Variants in ADAMTSL1 observed in about 807,000 individuals in gnomAD.
ADAMTSL1 encodes ADAMTS-like protein 1.
A neutral mutation model predicts 201.8 loss-of-function variants in ADAMTSL1; 126 were observed. The ratio of observed to expected loss-of-function variants is 0.62; its 90% CI spans 0.54 to 0.72. The LOEUF is 0.72. Ranked by LOEUF, ADAMTSL1 falls within the 30% of genes least tolerant of loss-of-function variation. ADAMTSL1 has a pLI of 0.00. For synonymous variants in ADAMTSL1, 1,121 were observed against 903.4 expected (o/e 1.24, Z -4.32); for missense variants, 2,679 against 2,277.8 (o/e 1.18, Z -3.59).
intron 1 of ADAMTSL1, among the ~76,000 whole-genome samples, chr9:17,938,180 A>C (rs1642314429): frequency 6.6e-6 from 1 of 152,132 alleles, no homozygotes; most frequent in African/African-American, 2.4e-5. Flanking sequence ...TCTAATTTAC[A>C]TGGGGTGTGT....
intron 1 of ADAMTSL1, among the ~76,000 whole-genome samples, chr9:17,995,208 T>C (rs1156886074): frequency 2.6e-5 from 4 of 152,114 alleles, no homozygotes; most frequent in Non-Finnish European, 4.4e-5. Context: ...CAGATTGTTA[T>C]GGATCCTTTC....
At chr9:18,453,745 T>G (rs978391216) in intron 2 of ADAMTSL1, among the ~76,000 whole-genome samples, 2 of 152,166 alleles carry the variant, frequency 1.3e-5, no homozygotes, top group African/African-American at 4.8e-5. Context: ...TGGCCACTTA[T>G]AAGTGGTTGA....
chr9:18,657,828 C>A, intron 8 of ADAMTSL1, 78 bp downstream of exon 8: 1 of 1,227,344 alleles, frequency 8.1e-7, no homozygotes, highest in Non-Finnish European at 1.2e-6. Context: ...AGAGTTACTT[C>A]AGCATGGAAG....
In ADAMTSL1 at chr9:18,489,129, G is replaced by T. The variant is rs149529959; in HGVS notation, c.63+14834G>T. On this transcript the variant is annotated intron_variant, in intron 1 of 28. Transcript: ENST00000380548. ...GACCCAGACATTGGCAATTTTCCCA[G>T]GTAATTTGAATGTATAGACAGAGTT... Among the ~76,000 whole-genome samples, 83 of 152,200 alleles carry T rather than the reference G, an allele frequency of 5.5e-4. 3 individuals are homozygous for T. In the East Asian group the frequency reaches 0.014, roughly 25 times the overall value.
chr9:18,637,268 C>G (rs1827162810), intron 6 of ADAMTSL1, among the ~76,000 whole-genome samples: 1 of 152,112 alleles, frequency 6.6e-6, no homozygotes, highest in Non-Finnish European at 1.5e-5. Flanking sequence ...ATTATTACCA[C>G]TCAAATGATT....
chr9:18,815,069 G>A (rs569876112), intron 20 of ADAMTSL1, among the ~76,000 whole-genome samples: 6 of 152,114 alleles, frequency 3.9e-5, no homozygotes, highest in African/African-American at 9.7e-5. Context: ...AAATACTGGC[G>A]CAGATGTGGA....
At chr9:18,357,017 C>G (rs939355012) in intron 2 of ADAMTSL1, among the ~76,000 whole-genome samples, 1 of 152,134 alleles carries the variant, frequency 6.6e-6, no homozygotes, top group African/African-American at 2.4e-5. Context: ...TTAAAGAATA[C>G]TGTCAAAGCT....
intron 23 of ADAMTSL1, among the ~76,000 whole-genome samples, chr9:18,884,047 G>A (rs1016977998): frequency 2.6e-5 from 4 of 152,084 alleles, no homozygotes; most frequent in South Asian, 2.1e-4. Flanking sequence ...ATGCACAAGG[G>A]TTCCAATTTT....
chr9:18,721,667 T>TA lies in ADAMTSL1; in HGVS notation c.2006+4dup. The TA allele has an allele frequency of 6.2e-7, 1 of 1,613,596 alleles. No individual in the cohort carries two copies. The highest frequency in any genetic ancestry group is 1.1e-5 in the South Asian group (1 of 91,034). On this transcript the variant is annotated splice_region_variant and intron_variant, in intron 15 of 28. Transcript: ENST00000380548. ...CAATTTGGATCCCTGCCCAGCAAGG[T>TA]AAGGGATGTGTGGCCTGCCCTGCTG... is the stretch of plus-strand genomic sequence containing the variant.
At chr9:17,993,284 TAAC>T (rs898621018) in intron 1 of ADAMTSL1, among the ~76,000 whole-genome samples, 41 of 152,308 alleles carry the variant, frequency 2.7e-4, no homozygotes, top group African/African-American at 8.9e-4. Context: ...CATTCCTGTT[TAAC>T]ATGTTAAATT....
chr9:18,781,938 T>A (rs1413620061), intron 19 of ADAMTSL1, among the ~76,000 whole-genome samples: 1 of 152,262 alleles, frequency 6.6e-6, no homozygotes, highest in Admixed American at 6.5e-5. Flanking sequence ...ATTCTGATAC[T>A]ACTGTGTCTC....
At chr9:18,446,957 A>C (rs1179231594) in intron 2 of ADAMTSL1, among the ~76,000 whole-genome samples, 2 of 149,858 alleles carry the variant, frequency 1.3e-5, no homozygotes, top group South Asian at 4.1e-4. Context: ...TTAAAATTTC[A>C]AATTAACATG....
chr9:17,960,329 G>A (rs192114671), intron 1 of ADAMTSL1, among the ~76,000 whole-genome samples: 1 of 152,264 alleles, frequency 6.6e-6, no homozygotes, highest in African/African-American at 2.4e-5. Flanking sequence ...CAGCCTTGAG[G>A]GACACTGGGA....
chr9:17,913,748 G>A (rs919071126), intron 1 of ADAMTSL1, among the ~76,000 whole-genome samples: 6 of 151,942 alleles, frequency 3.9e-5, no homozygotes, highest in Non-Finnish European at 2.9e-5. Flanking sequence ...TTTTTTGAAC[G>A]GATCAACAAA....
intron 1 of ADAMTSL1, among the ~76,000 whole-genome samples, chr9:17,916,675 A>G (rs1231642460): frequency 5.3e-5 from 8 of 152,170 alleles, no homozygotes; most frequent in South Asian, 2.1e-4. Flanking sequence ...GTACATGTTT[A>G]TTGCTATGCT....
chr9:18,503,126 C>A lies in ADAMTSL1; in HGVS notation c.64-1703C>A, dbSNP rs957350512. On this transcript the variant is annotated intron_variant, in intron 1 of 28. Transcript: ENST00000380548. ...CATTAAATACATTCACATTGTTTTG[C>A]AATCATCACTACCATCCATCTCCAG... Among the ~76,000 whole-genome samples the A allele has an allele frequency of 3.3e-5, 5 of 151,824 alleles. No homozygotes were observed. The East Asian group carries it at 9.7e-4, about 29-fold the overall frequency.
intron 1 of ADAMTSL1, among the ~76,000 whole-genome samples, chr9:17,937,588 G>A (rs1466624503): frequency 1.8e-5 from 1 of 56,832 alleles, no homozygotes; most frequent in Non-Finnish European, 4.1e-5. Flanking sequence ...TTTAGATGGA[G>A]GGGAGACTTG....
intron 20 of ADAMTSL1, among the ~76,000 whole-genome samples, chr9:18,803,624 C>T (rs1822932753): frequency 1.3e-5 from 2 of 152,140 alleles, no homozygotes; most frequent in African/African-American, 4.8e-5. Context: ...TTTAATGTTG[C>T]TAGACTTTCT....
At chr9:18,305,234 G>A (rs1355798590) in intron 2 of ADAMTSL1, among the ~76,000 whole-genome samples, 1 of 152,216 alleles carries the variant, frequency 6.6e-6, no homozygotes, top group Non-Finnish European at 1.5e-5. Flanking sequence ...TCCCTTGGCT[G>A]CCTACGCCAC....
Sources: gnomAD v4.1 joint callset for allele counts (sites outside exome capture counted in the v4.1 genomes callset) on GRCh38, gnomAD v4.1.1 for gene constraint, MANE v1.5 for transcripts, NCBI Gene and HGNC (gene_info 2026-07-23, HGNC 2026-07-21) for gene names.